Variants in PPP2R2B observed in about 807,000 individuals in gnomAD.
PPP2R2B encodes the protein protein phosphatase 2 regulatory subunit Bbeta, also known as serine/threonine-protein phosphatase 2A 55 kDa regulatory subunit B beta isoform.
In PPP2R2B, 5 loss-of-function variants were observed where a neutral mutation model predicts 46.0. That is an observed-to-expected ratio of 0.11 (90% confidence interval 0.06 to 0.23). The LOEUF (loss-of-function observed/expected upper bound fraction) is 0.23, where lower values mean the gene tolerates loss of function less well. Ranked by LOEUF, PPP2R2B falls within the 10% of genes least tolerant of loss-of-function variation. PPP2R2B has a pLI of 1.00. For synonymous variants in PPP2R2B, 215 were observed against 206.7 expected (o/e 1.04, Z -0.34); for missense variants, 367 against 575.0 (o/e 0.64, Z 3.70).
At chr5:146,717,362 T>C (rs905343065) in intron 2 of PPP2R2B, among the ~76,000 whole-genome samples, 1 of 152,226 alleles carries the variant, frequency 6.6e-6, no homozygotes, top group African/African-American at 2.4e-5. Context: ...CTGGAGGATA[T>C]GAAAAAGCTT....
intron 2 of PPP2R2B, among the ~76,000 whole-genome samples, chr5:146,715,493 C>T (rs958208545): frequency 4.6e-5 from 7 of 152,204 alleles, no homozygotes; most frequent in Non-Finnish European, 1.0e-4. Context: ...TACATACACT[C>T]TCTTCCTAAA....
At chr5:147,042,628 G>A (rs1228658378) in intron 1 of PPP2R2B, among the ~76,000 whole-genome samples, 2 of 152,068 alleles carry the variant, frequency 1.3e-5, no homozygotes, top group Non-Finnish European at 2.9e-5. Flanking sequence ...ACTACTATAT[G>A]CCAGGTAAAA....
At chr5:146,600,836 C>T (rs192642832) in intron 7 of PPP2R2B, among the ~76,000 whole-genome samples, 3 of 152,250 alleles carry the variant, frequency 2.0e-5, no homozygotes, top group Non-Finnish European at 4.4e-5. Context: ...ATTCACATAC[C>T]ACAAAATGTA....
At chr5:147,054,926 A>G (rs555950390) in intron 1 of PPP2R2B, among the ~76,000 whole-genome samples, 1 of 152,350 alleles carries the variant, frequency 6.6e-6, no homozygotes, top group African/African-American at 2.4e-5. Flanking sequence ...TGACTATAGA[A>G]ATGTGGAATT....
intron 1 of PPP2R2B, among the ~76,000 whole-genome samples, chr5:147,022,685 T>G (rs1755338865): frequency 6.6e-6 from 1 of 151,770 alleles, no homozygotes; most frequent in South Asian, 2.1e-4. Flanking sequence ...TGAAAACCAA[T>G]TACAAAGATA....
intron 1 of PPP2R2B, among the ~76,000 whole-genome samples, chr5:147,005,408 A>C (rs1467534723): frequency 6.6e-6 from 1 of 152,196 alleles, no homozygotes; most frequent in Non-Finnish European, 1.5e-5. Flanking sequence ...AAAAAGAATA[A>C]ATGTGTATAC....
intron 1 of PPP2R2B, among the ~76,000 whole-genome samples, chr5:147,015,920 G>C (rs2151881677): frequency 6.6e-6 from 1 of 151,370 alleles, no homozygotes; most frequent in African/African-American, 2.4e-5. Flanking sequence ...TGAAATACGA[G>C]TATATTATTT....
chr5:146,656,959 T>A lies in PPP2R2B; in HGVS notation c.448-6235A>T, dbSNP rs189620654. Reference sequence around the variant, plus strand: ...GCCTCTCCTCTTGGGAAATACCAGATCATCTTTAACTTCCCAGAACGCATT... The same window carrying A: ...GCCTCTCCTCTTGGGAAATACCAGAACATCTTTAACTTCCCAGAACGCATT... On this transcript the variant is annotated intron_variant, in intron 5 of 9. Transcript: ENST00000394411. Among the ~76,000 whole-genome samples, 155 of 152,302 alleles carry A rather than the reference T, an allele frequency of 1.0e-3. 1 individual carries two copies. Among genetic ancestry groups the A allele is most frequent in the Middle Eastern group, 3.4e-3 (1 of 294 alleles).
intron 2 of PPP2R2B, among the ~76,000 whole-genome samples, chr5:146,799,556 C>G (rs149106589): frequency 4.6e-5 from 7 of 152,280 alleles, no homozygotes; most frequent in African/African-American, 1.7e-4. Context: ...CAACACATGT[C>G]CACTCATGAG....
chr5:146,888,887 A>G (rs1435171557), intron 1 of PPP2R2B, among the ~76,000 whole-genome samples: 3 of 152,126 alleles, frequency 2.0e-5, no homozygotes, highest in Non-Finnish European at 2.9e-5. Context: ...TCACTGGGAT[A>G]CCTTCCTTGA....
intron 7 of PPP2R2B, among the ~76,000 whole-genome samples, chr5:146,636,401 T>TG (rs1206905177): frequency 2.6e-5 from 4 of 152,190 alleles, no homozygotes; most frequent in Admixed American, 1.3e-4. Flanking sequence ...AGATTTTATA[T>TG]GGGTTAAAAT....
chr5:146,959,243 C>A (rs963495863), intron 1 of PPP2R2B, among the ~76,000 whole-genome samples: 4 of 152,092 alleles, frequency 2.6e-5, no homozygotes, highest in South Asian at 2.1e-4. Context: ...ACCTAACATG[C>A]CTTCTAGCAT....
chr5:146,860,245 G>T (rs1469050487), intron 2 of PPP2R2B, among the ~76,000 whole-genome samples: 1 of 152,138 alleles, frequency 6.6e-6, no homozygotes, highest in Admixed American at 6.5e-5. Context: ...TTTTCCCTGG[G>T]CCTATCAAAT....
intron 1 of PPP2R2B, among the ~76,000 whole-genome samples, chr5:147,053,545 A>AACACACACACACACACAC (rs5872002): frequency 2.8e-4 from 42 of 148,642 alleles, no homozygotes; most frequent in African/African-American, 4.9e-4. Context: ...CAACAATATA[A>AACACACACACACACACAC]ACACACACAC....
intron 1 of PPP2R2B, among the ~76,000 whole-genome samples, chr5:146,923,667 C>T (rs1763684768): frequency 6.6e-6 from 1 of 152,128 alleles, no homozygotes; most frequent in Non-Finnish European, 1.5e-5. Flanking sequence ...GTGGCAATTC[C>T]TCAAAGACCT....
At chr5:146,872,074 C>T (rs1761646260) in intron 2 of PPP2R2B, among the ~76,000 whole-genome samples, 1 of 152,200 alleles carries the variant, frequency 6.6e-6, no homozygotes, top group African/African-American at 2.4e-5. Context: ...GAATGTCAGT[C>T]TACAGCTGTG....
At chr5:146,892,955 C>G (rs933307807) in intron 1 of PPP2R2B, among the ~76,000 whole-genome samples, 1 of 152,160 alleles carries the variant, frequency 6.6e-6, no homozygotes, top group African/African-American at 2.4e-5. Flanking sequence ...CCTCTAGGAT[C>G]TATTGCTACC....
At chr5:146,838,740 C>G (rs115235682) in intron 2 of PPP2R2B, among the ~76,000 whole-genome samples, 9 of 152,126 alleles carry the variant, frequency 5.9e-5, no homozygotes, top group Non-Finnish European at 1.2e-4. Context: ...TTAATAGGTA[C>G]GAATTTGTCC....
At chr5:146,675,670 C>A (rs1454015417) in intron 5 of PPP2R2B, among the ~76,000 whole-genome samples, 1 of 152,124 alleles carries the variant, frequency 6.6e-6, no homozygotes, top group Admixed American at 6.5e-5. Flanking sequence ...AAACAAATTG[C>A]CCCTTTCTGG....
Sources: allele counts gnomAD v4.1 joint callset (sites outside exome capture counted in the v4.1 genomes callset), GRCh38; gene constraint gnomAD v4.1.1; transcripts MANE v1.5; gene names NCBI Gene and HGNC (gene_info 2026-07-23, HGNC 2026-07-21).